Variants in PCYT1B observed in about 807,000 individuals in gnomAD.
PCYT1B encodes choline-phosphate cytidylyltransferase B.
A neutral mutation model predicts 26.4 loss-of-function variants in PCYT1B; 10 were observed. The ratio of observed to expected loss-of-function variants is 0.38; its 90% CI spans 0.23 to 0.64. The LOEUF is 0.64. PCYT1B is among the 30% of genes least tolerant of loss of function. The pLI is 0.56. For missense variants in PCYT1B, 161 were observed against 292.7 expected (o/e 0.55, Z 3.28); for synonymous variants, 131 against 108.4 (o/e 1.21, Z -1.29).
chrX:24,626,307 G>T (rs768402896), intron 1 of PCYT1B, among the ~76,000 whole-genome samples: 1 of 111,679 alleles, frequency 9.0e-6, no homozygotes, highest in East Asian at 2.8e-4. Flanking sequence ...TACTATACTG[G>T]GCAATGCAGA....
chrX:24,670,108 GAAAGA>G (rs1569261906), intron 1 of PCYT1B, among the ~76,000 whole-genome samples: 1,177 of 76,215 alleles, frequency 0.015, 12 homozygotes, highest in Non-Finnish European at 0.018. Context: ...AAGAAAGAAA[GAAAGA>G]AAGGAAGGAA....
intron 1 of PCYT1B, among the ~76,000 whole-genome samples, chrX:24,668,369 C>T (rs977590686): frequency 8.9e-6 from 1 of 112,081 alleles, no homozygotes; most frequent in African/African-American, 3.2e-5. Flanking sequence ...ACCATGAAGA[C>T]TTGGCAGCAA....
chrX:24,632,662 A>G lies in PCYT1B; in HGVS notation c.118-13578T>C, dbSNP rs140719155. 616 of 114,341 alleles carry G rather than the reference A, an allele frequency of 5.4e-3. 1 individual carries two copies. The highest frequency in any genetic ancestry group is 0.01 in the Non-Finnish European group (541 of 53,291). 9.4% of individuals were successfully genotyped at this position (114,341 alleles called of 1,213,427 possible). ...AGAGCCACTTAAGCCAGGTATAGAA[A>G]GACAAATACTGCATGTTCTCACTCA... On this transcript the variant is annotated intron_variant, in intron 1 of 7. Coordinates refer to ENST00000379144, the MANE Select transcript of PCYT1B (RefSeq NM_004845.5).
chrX:24,651,289 T>C (rs759359387), upstream of PCYT1B, among the ~76,000 whole-genome samples: 12 of 105,203 alleles, frequency 1.1e-4, no homozygotes, highest in African/African-American at 4.1e-4. Flanking sequence ...ACCCCGTCTA[T>C]TTTAAAAATA....
intron 1 of PCYT1B, among the ~76,000 whole-genome samples, chrX:24,638,664 T>G (rs1398326451): frequency 2.7e-5 from 3 of 111,676 alleles, no homozygotes; most frequent in Non-Finnish European, 5.6e-5. Context: ...TAACAGTCAC[T>G]GAGAAGCTTT....
chrX:24,619,944 C>T (rs767531895), intron 1 of PCYT1B, among the ~76,000 whole-genome samples: 1 of 112,716 alleles, frequency 8.9e-6, no homozygotes, highest in Non-Finnish European at 1.9e-5. Flanking sequence ...TTTTTGTAAA[C>T]AAGGCAAATG....
Position 24,559,588 on chromosome X carries a change from A to G in PCYT1B, c.*2705T>C, listed in dbSNP as rs61756164. The stretch of plus-strand genomic sequence containing the variant: ...CCCCCTTCTGCAGTCCTAAGTTGCT[A>G]TCCTCCAGCCCTCATTCTGAAGCTT... On this transcript the variant is annotated 3_prime_UTR_variant, in exon 8 of 8. Coordinates refer to ENST00000379144, the MANE Select transcript of PCYT1B (RefSeq NM_004845.5). 2 of 111,372 alleles carry G rather than the reference A, an allele frequency of 1.8e-5. No individual in the cohort carries two copies. The highest frequency in any genetic ancestry group is 2.8e-4 in the East Asian group (1 of 3,551). 9.2% of individuals were successfully genotyped at this position (111,372 alleles called of 1,213,427 possible).
chrX:24,572,266 G>C (rs5944549), intron 7 of PCYT1B, among the ~76,000 whole-genome samples: 1 of 98,995 alleles, frequency 1.0e-5, no homozygotes, highest in South Asian at 5.0e-4. Context: ...ACACGCGCGC[G>C]CACACACACA....
At chrX:24,601,831 A>G (rs1924977937) in intron 3 of PCYT1B, among the ~76,000 whole-genome samples, 1 of 112,327 alleles carries the variant, frequency 8.9e-6, no homozygotes, top group African/African-American at 3.2e-5. Context: ...TCTCTCATTT[A>G]TTGCTGGTGG....
At position 24,575,336 on chromosome X, in the gene PCYT1B, GAAA is replaced by G; in HGVS notation, c.709-21_709-19del. 3.3e-6 allele frequency: 3 copies of G among 914,880 alleles called. No homozygotes were observed. Among genetic ancestry groups the G allele is most frequent in the Non-Finnish European group, 4.4e-6 (3 of 676,874 alleles). 75.4% of individuals were successfully genotyped at this position (914,880 alleles called of 1,213,427 possible). ...CTCTTCTCCTGGTGAAAGTTTACAGGAAAAAAAAAAACAGATTTATCCAAGAGG... is the reference window on the plus strand; with the variant it reads ...CTCTTCTCCTGGTGAAAGTTTACAGGAAAAAAAACAGATTTATCCAAGAGG... On this transcript the variant is annotated intron_variant, in intron 6 of 7. Transcript: ENST00000379144.
At chrX:24,643,094 CT>C (rs1454357529) in intron 1 of PCYT1B, among the ~76,000 whole-genome samples, 1 of 111,724 alleles carries the variant, frequency 9.0e-6, no homozygotes, top group African/African-American at 3.3e-5. Flanking sequence ...GAATGCACCC[CT>C]AGAAGAACTT....
intron 1 of PCYT1B, among the ~76,000 whole-genome samples, chrX:24,623,513 G>T: frequency 9.2e-6 from 1 of 109,087 alleles, no homozygotes; most frequent in East Asian, 2.8e-4. Flanking sequence ...CAAGGGCCTT[G>T]CCAGACCACA....
intron 1 of PCYT1B, among the ~76,000 whole-genome samples, chrX:24,669,226 T>C (rs1449337695): frequency 3.6e-5 from 4 of 111,714 alleles, no homozygotes; most frequent in Non-Finnish European, 7.5e-5. Context: ...TACTGAGCAC[T>C]TAAAATGTGG....
chrX:24,603,035 C>T (rs1455522571), intron 3 of PCYT1B, among the ~76,000 whole-genome samples: 1 of 111,970 alleles, frequency 8.9e-6, no homozygotes, highest in African/African-American at 3.2e-5. Flanking sequence ...AACTCCTGAC[C>T]TCATGTGATC....
chrX:24,620,265 A>AAGACCAATAATCCCTGCCCTGG (rs1322297002), intron 1 of PCYT1B, among the ~76,000 whole-genome samples: 1 of 112,205 alleles, frequency 8.9e-6, no homozygotes, highest in Non-Finnish European at 1.9e-5. Flanking sequence ...AAGTAGGGAT[A>AAGACCAATAATCCCTGCCCTGG]AGACCAATAA....
intron 3 of PCYT1B, among the ~76,000 whole-genome samples, chrX:24,597,553 C>T (rs968212749): frequency 8.9e-6 from 1 of 112,379 alleles, no homozygotes; most frequent in East Asian, 2.8e-4. Flanking sequence ...GCCATGCTTA[C>T]TCCACTTTAC....
chrX:24,588,874 C>T (rs1012109620), intron 4 of PCYT1B, among the ~76,000 whole-genome samples: 6 of 111,239 alleles, frequency 5.4e-5, no homozygotes, highest in Non-Finnish European at 9.4e-5. Context: ...ACAATTAGTA[C>T]GGAGTATATC....
chrX:24,559,576 T>A lies in PCYT1B; in HGVS notation c.*2717A>T. 1 of 111,594 alleles carries A rather than the reference T, an allele frequency of 9.0e-6. No homozygotes were observed. The highest frequency in any genetic ancestry group is 1.9e-5 in the Non-Finnish European group (1 of 53,082). The allele number at this position is 111,594 out of a possible 1,213,427, so 9.2% of individuals were successfully genotyped here. ...CTTCATAAGCTGCCCCCTTCTGCAG[T>A]CCTAAGTTGCTATCCTCCAGCCCTC... On this transcript the variant is annotated 3_prime_UTR_variant, in exon 8 of 8. Coordinates refer to ENST00000379144, the MANE Select transcript of PCYT1B (RefSeq NM_004845.5).
chrX:24,612,125 T>C (rs1023771064), intron 2 of PCYT1B, among the ~76,000 whole-genome samples: 1 of 112,772 alleles, frequency 8.9e-6, no homozygotes, highest in Non-Finnish European at 1.9e-5. Context: ...GACCTGCAGG[T>C]GGCCTCTAGG....
Sources: gnomAD v4.1 joint callset for allele counts (sites outside exome capture counted in the v4.1 genomes callset) on GRCh38, gnomAD v4.1.1 for gene constraint, MANE v1.5 for transcripts, NCBI Gene and HGNC (gene_info 2026-07-23, HGNC 2026-07-21) for gene names.